The following CAMKMT variants were observed in gnomAD, a reference collection of about 807,000 sequenced individuals.
The protein encoded by CAMKMT is CaM KMT.
In CAMKMT, 53 loss-of-function variants were observed where a neutral mutation model predicts 48.0. The observed-to-expected ratio is 1.10, with a 90% CI of 0.89 to 1.39. The LOEUF (loss-of-function observed/expected upper bound fraction) is 1.39. CAMKMT is among the 40% of genes most tolerant of loss of function. The probability of loss-of-function intolerance (pLI) is 0.00; values close to 1 mark genes in which losing one functional copy is unlikely to be tolerated. For synonymous variants in CAMKMT, 165 were observed against 152.3 expected (o/e 1.08, Z -0.61); for missense variants, 428 against 402.7 (o/e 1.06, Z -0.54).
At chr2:44,466,054 A>G (rs1012237130) in intron 3 of CAMKMT, among the ~76,000 whole-genome samples, 4 of 152,230 alleles carry the variant, frequency 2.6e-5, no homozygotes, top group Non-Finnish European at 4.4e-5. Flanking sequence ...GCAGAATTGA[A>G]GGAAGAAATA....
At chr2:44,685,489 G>C (rs910277493) in intron 3 of CAMKMT, among the ~76,000 whole-genome samples, 4 of 152,156 alleles carry the variant, frequency 2.6e-5, no homozygotes, top group African/African-American at 9.7e-5. Context: ...CTCCCCAAAG[G>C]TGTCCTTTCC....
At chr2:44,673,989 G>T (rs1345393968) in intron 3 of CAMKMT, among the ~76,000 whole-genome samples, 1 of 152,150 alleles carries the variant, frequency 6.6e-6, no homozygotes, top group Non-Finnish European at 1.5e-5. Context: ...CTGAAGAAAA[G>T]TTTGAATCAT....
chr2:44,757,566 CT>C (rs1274573947), intron 9 of CAMKMT, among the ~76,000 whole-genome samples: 2,754 of 134,242 alleles, frequency 0.021, 33 homozygotes, highest in South Asian at 0.038. Flanking sequence ...ACTATGGGGG[CT>C]TTTTTTTTTT....
At chr2:44,478,947 C>A (rs2104675049) in intron 3 of CAMKMT, among the ~76,000 whole-genome samples, 1 of 152,312 alleles carries the variant, frequency 6.6e-6, no homozygotes, top group South Asian at 2.1e-4. Flanking sequence ...GATCCGCCCG[C>A]CTCGGCCTCC....
chr2:44,411,979 A>ATT lies in CAMKMT; in HGVS notation c.376+21704_376+21705dup, dbSNP rs541645446. Among the ~76,000 whole-genome samples, 161 of 91,832 alleles carry ATT rather than the reference A, an allele frequency of 1.8e-3. 1 individual carries two copies. The highest frequency in any genetic ancestry group is 6.4e-3 in the African/African-American group (149 of 23,108). The allele number at this position is 91,832 out of a possible 152,430, so 60.2% of individuals were successfully genotyped here. ...ATATGTAACATGAACATTCTCTTCAATTTTTTTTTTTTTTTTTTTTTTTTT... is the reference window on the plus strand; with the variant it reads ...ATATGTAACATGAACATTCTCTTCAATTTTTTTTTTTTTTTTTTTTTTTTTTT... On this transcript the variant is annotated intron_variant, in intron 3 of 10. Transcript: ENST00000378494.
chr2:44,436,424 T>A (rs191449158), intron 3 of CAMKMT, among the ~76,000 whole-genome samples: 2 of 152,184 alleles, frequency 1.3e-5, no homozygotes, highest in East Asian at 3.9e-4. Flanking sequence ...ATAGGGCAGA[T>A]AAAGAAAGGG....
chr2:44,683,822 CAAAAAAAAAAAAA>C (rs10644183), intron 3 of CAMKMT, among the ~76,000 whole-genome samples: 1 of 70,936 alleles, frequency 1.4e-5, no homozygotes, highest in Non-Finnish European at 2.5e-5. Flanking sequence ...GACTCTGTCT[CAAAAAAAAAAAAA>C]AAAAAAAAGA....
intron 3 of CAMKMT, among the ~76,000 whole-genome samples, chr2:44,397,002 T>C (rs1245950303): frequency 2.7e-5 from 4 of 147,222 alleles, no homozygotes; most frequent in Non-Finnish European, 5.9e-5. Context: ...AAGGTTGCAG[T>C]GAGCCGAGAT....
intron 6 of CAMKMT, among the ~76,000 whole-genome samples, chr2:44,708,716 A>G (rs1677704024): frequency 6.6e-6 from 1 of 152,090 alleles, no homozygotes; most frequent in South Asian, 2.1e-4. Context: ...TATTTCGTGC[A>G]TGTATCCATG....
chr2:44,542,053 C>T lies in CAMKMT; in HGVS notation c.376+151748C>T, dbSNP rs578205914. Among the ~76,000 whole-genome samples, 7 of 148,576 alleles carry T rather than the reference C, an allele frequency of 4.7e-5. No homozygotes were observed. In the East Asian group the frequency reaches 1.0e-3, roughly 22 times the overall value. On this transcript the variant is annotated intron_variant, in intron 3 of 10. Coordinates refer to ENST00000378494, the MANE Select transcript of CAMKMT (RefSeq NM_024766.5). ...CTGAGGCAGGAGAATCGCTTGAAAC[C>T]GGGAGGCGGAGGTTGCGGTGAGCCG...
intron 3 of CAMKMT, among the ~76,000 whole-genome samples, chr2:44,595,255 G>C (rs1403107161): frequency 6.6e-6 from 1 of 151,530 alleles, no homozygotes; most frequent in East Asian, 2.0e-4. Context: ...AATTCACCAA[G>C]GATCTGGTAC....
intron 3 of CAMKMT, among the ~76,000 whole-genome samples, chr2:44,567,034 A>G (rs1048764701): frequency 2.1e-4 from 32 of 152,264 alleles, no homozygotes; most frequent in African/African-American, 7.5e-4. Flanking sequence ...AATAGCTACC[A>G]TAGGAACCAG....
intron 3 of CAMKMT, among the ~76,000 whole-genome samples, chr2:44,645,003 C>T (rs116663217): frequency 1.7e-3 from 252 of 152,280 alleles, no homozygotes; most frequent in Middle Eastern, 0.01. Context: ...TTTATTCTAA[C>T]ATTATTTCCC....
intron 3 of CAMKMT, among the ~76,000 whole-genome samples, chr2:44,419,177 C>T (rs895028650): frequency 2.6e-5 from 4 of 152,146 alleles, no homozygotes; most frequent in South Asian, 2.1e-4. Context: ...TTCCAGATTC[C>T]GTCGCAGCTA....
chr2:44,437,639 G>A (rs1666346575), intron 3 of CAMKMT, among the ~76,000 whole-genome samples: 1 of 152,080 alleles, frequency 6.6e-6, no homozygotes, highest in Non-Finnish European at 1.5e-5. Context: ...TTTGCACTCA[G>A]GAGTTCAAGT....
chr2:44,685,556 G>A (rs1350762548), intron 3 of CAMKMT, among the ~76,000 whole-genome samples: 1 of 152,180 alleles, frequency 6.6e-6, no homozygotes, highest in African/African-American at 2.4e-5. Context: ...ATCTCTGCAG[G>A]ATTCTAGAAG....
At chr2:44,573,427 A>G (rs1353633784) in intron 3 of CAMKMT, among the ~76,000 whole-genome samples, 2 of 151,878 alleles carry the variant, frequency 1.3e-5, no homozygotes, top group African/African-American at 4.8e-5. Context: ...TTATTTACCT[A>G]TGTAGTGACT....
chr2:44,599,774 T>C (rs1053343028), intron 3 of CAMKMT, among the ~76,000 whole-genome samples: 1 of 151,462 alleles, frequency 6.6e-6, no homozygotes, highest in Non-Finnish European at 1.5e-5. Context: ...TGGATTGGGC[T>C]ATTTCTGAGA....
intron 3 of CAMKMT, among the ~76,000 whole-genome samples, chr2:44,572,363 A>G (rs893484362): frequency 6.6e-6 from 1 of 152,162 alleles, no homozygotes; most frequent in Non-Finnish European, 1.5e-5. Flanking sequence ...AATTTCATAT[A>G]AGACGAATCA....
Sources: gnomAD v4.1 joint callset for allele counts (sites outside exome capture counted in the v4.1 genomes callset) on GRCh38, gnomAD v4.1.1 for gene constraint, MANE v1.5 for transcripts, NCBI Gene and HGNC (gene_info 2026-07-23, HGNC 2026-07-21) for gene names.